Variants in SH3RF3 observed in about 807,000 individuals in gnomAD.
SH3RF3 encodes SH3 domain containing ring finger 3.
SH3RF3 carries 29 observed loss-of-function variants against 66.3 expected under a neutral mutation model. The observed-to-expected ratio is 0.44, with a 90% confidence interval of 0.33 to 0.60. SH3RF3 has a LOEUF of 0.60. SH3RF3 is among the 20% of genes least tolerant of loss of function. The pLI, the probability that SH3RF3 is intolerant of heterozygous loss-of-function variation, is 0.04. For missense variants in SH3RF3, 1,194 were observed against 1,190.9 expected, an observed-to-expected ratio of 1.00 and a Z score of -0.04; for synonymous variants, 583 against 532.0, an observed-to-expected ratio of 1.10 and a Z score of -1.32.
intron 2 of SH3RF3, among the ~76,000 whole-genome samples, chr2:109,355,248 T>C (rs1217864803): frequency 2.6e-5 from 4 of 152,356 alleles, no homozygotes; most frequent in South Asian, 4.1e-4. Flanking sequence ...AGAGAAATTA[T>C]GTTGTGGAAA....
intron 8 of SH3RF3, among the ~76,000 whole-genome samples, chr2:109,486,608 G>C (rs1327396782): frequency 6.6e-6 from 1 of 152,198 alleles, no homozygotes; most frequent in Non-Finnish European, 1.5e-5. Context: ...CAGCGAGGCA[G>C]ATGGTACCCT....
chr2:109,417,387 T>G (rs1291201326), intron 4 of SH3RF3, among the ~76,000 whole-genome samples: 1 of 152,094 alleles, frequency 6.6e-6, no homozygotes, highest in East Asian at 1.9e-4. Context: ...CTTCCCTGTC[T>G]CCCTTCATGG....
intron 3 of SH3RF3, among the ~76,000 whole-genome samples, chr2:109,377,012 G>A (rs566035766): frequency 9.5e-4 from 145 of 152,392 alleles, no homozygotes; most frequent in African/African-American, 3.5e-3. Flanking sequence ...TGCTTAGGAA[G>A]GAACAGAGAG....
At chr2:109,465,671 G>A (rs1678322283) in intron 8 of SH3RF3, among the ~76,000 whole-genome samples, 1 of 152,198 alleles carries the variant, frequency 6.6e-6, no homozygotes, top group Non-Finnish European at 1.5e-5. Context: ...GGTTCTGCAG[G>A]CTCTACAGGA....
chr2:109,474,714 C>G (rs1678632908), intron 8 of SH3RF3, among the ~76,000 whole-genome samples: 1 of 152,218 alleles, frequency 6.6e-6, no homozygotes, highest in Admixed American at 6.5e-5. Flanking sequence ...AGATACTTCA[C>G]CACCATCACA....
rs531989972 is a variant in SH3RF3, at chr2:109,203,373, C to T, written c.573+73260C>T. On this transcript the variant is annotated intron_variant, in intron 1 of 9. Transcript: ENST00000309415. ...GTCCTTATGCTGCCCTGTTGTGAGACGGATGGCCTTGGGAGGGTGTTTCCG... is the reference window on the plus strand; with the variant it reads ...GTCCTTATGCTGCCCTGTTGTGAGATGGATGGCCTTGGGAGGGTGTTTCCG... Among the ~76,000 whole-genome samples, 5 of 152,312 alleles carry T rather than the reference C, an allele frequency of 3.3e-5. No homozygotes were observed. In the South Asian group the frequency reaches 6.2e-4, roughly 19 times the overall value.
At chr2:109,274,277 A>G (rs775037160) in intron 1 of SH3RF3, among the ~76,000 whole-genome samples, 1 of 152,200 alleles carries the variant, frequency 6.6e-6, no homozygotes, top group Non-Finnish European at 1.5e-5. Flanking sequence ...TCAAAAGTGA[A>G]TTCCTAGGTG....
intron 8 of SH3RF3, among the ~76,000 whole-genome samples, chr2:109,480,043 G>A (rs1018506437): frequency 6.6e-6 from 1 of 152,210 alleles, no homozygotes; most frequent in Non-Finnish European, 1.5e-5. Context: ...GCTGTGGGTT[G>A]AGGACAATTG....
At chr2:109,360,796 G>A (rs568053073) in intron 2 of SH3RF3, among the ~76,000 whole-genome samples, 1 of 152,214 alleles carries the variant, frequency 6.6e-6, no homozygotes, top group Admixed American at 6.5e-5. Flanking sequence ...CTCCCAATCT[G>A]TACACTTTTA....
chr2:109,154,374 G>C (rs1260477582), intron 1 of SH3RF3, among the ~76,000 whole-genome samples: 1 of 152,186 alleles, frequency 6.6e-6, no homozygotes, highest in African/African-American at 2.4e-5. Context: ...TGGGTAGGGA[G>C]TACAGATACA....
chr2:109,298,980 C>G lies in SH3RF3; in HGVS notation c.574-48694C>G, dbSNP rs950828334. On this transcript the variant is annotated intron_variant, in intron 1 of 9. Transcript: ENST00000309415. ...CCAGGCCGTATGACACGGCCCACGC[C>G]GGCCTGCACCAACCCCCACCCACTG... Among the ~76,000 whole-genome samples the G allele has an allele frequency of 2.6e-5, 4 of 152,226 alleles. No homozygotes were observed. In the East Asian group the frequency reaches 7.7e-4, roughly 29 times the overall value.
At chr2:109,143,983 T>C (rs956182124) in intron 1 of SH3RF3, among the ~76,000 whole-genome samples, 11 of 152,166 alleles carry the variant, frequency 7.2e-5, no homozygotes, top group African/African-American at 2.7e-4. Flanking sequence ...CTCATTCATA[T>C]CCGGAATCTA....
chr2:109,397,067 C>T (rs1676167450), intron 3 of SH3RF3, among the ~76,000 whole-genome samples: 1 of 152,156 alleles, frequency 6.6e-6, no homozygotes, highest in African/African-American at 2.4e-5. Context: ...CTCTGTGGTG[C>T]CCTACAGCAC....
intron 1 of SH3RF3, among the ~76,000 whole-genome samples, chr2:109,317,015 G>A (rs952992321): frequency 6.6e-6 from 1 of 151,808 alleles, no homozygotes; most frequent in African/African-American, 2.4e-5. Context: ...ACACTCCATT[G>A]TCTGGGTGGA....
chr2:109,345,770 T>G (rs188791133), intron 1 of SH3RF3, among the ~76,000 whole-genome samples: 53 of 152,352 alleles, frequency 3.5e-4, no homozygotes, highest in Admixed American at 3.2e-3. Context: ...GTCTTTTTTG[T>G]AAATTTAACC....
intron 1 of SH3RF3, among the ~76,000 whole-genome samples, chr2:109,135,150 C>T (rs1356464681): frequency 1.3e-5 from 2 of 152,222 alleles, no homozygotes; most frequent in Non-Finnish European, 2.9e-5. Context: ...GGTTTCTTCC[C>T]CTTGTACTTA....
chr2:109,438,120 C>G lies in SH3RF3; in HGVS notation c.1828+974C>G, dbSNP rs573873136. Among the ~76,000 whole-genome samples the G allele has an allele frequency of 5.3e-5, 8 of 152,336 alleles. No homozygotes were observed. In the East Asian group the frequency reaches 1.5e-3, roughly 29 times the overall value. ...TGACCCATTAGAAGTGTCCAGAAAG[C>G]AGCTTCTCAAGTGTGGAAAGAGGAG... On this transcript the variant is annotated intron_variant, in intron 7 of 9. Transcript: ENST00000309415.
chr2:109,398,968 G>GCAT, intron 4 of SH3RF3, 25 bp downstream of exon 4: 1 of 1,588,582 alleles, frequency 6.3e-7, no homozygotes, highest in Admixed American at 1.7e-5. Context: ...GCCAGGGCAG[G>GCAT]CATCCCTGGG....
At chr2:109,409,828 G>T (rs984713033) in intron 4 of SH3RF3, among the ~76,000 whole-genome samples, 20 of 152,080 alleles carry the variant, frequency 1.3e-4, no homozygotes, top group Admixed American at 5.9e-4. Context: ...AGTTCATGAG[G>T]GTCTGATTTA....
Sources: gnomAD v4.1 joint callset for allele counts (sites outside exome capture counted in the v4.1 genomes callset) on GRCh38, gnomAD v4.1.1 for gene constraint, MANE v1.5 for transcripts, NCBI Gene and HGNC (gene_info 2026-07-23, HGNC 2026-07-21) for gene names.